Variants in INSC observed in about 807,000 individuals in gnomAD.
The protein encoded by INSC is protein inscuteable homolog.
A neutral mutation model predicts 58.6 loss-of-function variants in INSC; 67 were observed. That is an observed-to-expected ratio of 1.14 (90% CI 0.94 to 1.40). The LOEUF is 1.40. INSC is among the 40% of genes most tolerant of loss of function. The pLI is 0.00. For synonymous variants in INSC, 262 were observed against 276.1 expected (o/e 0.95, Z 0.51); for missense variants, 714 against 692.0 (o/e 1.03, Z -0.36).
intron 7 of INSC, among the ~76,000 whole-genome samples, chr11:15,206,387 G>A (rs1238394230): frequency 6.6e-6 from 1 of 151,696 alleles, no homozygotes; most frequent in Non-Finnish European, 1.5e-5. Context: ...GGACACCACA[G>A]CAGGGAGCCA....
At chr11:15,119,482 T>C (rs1185160154) in intron 1 of INSC, among the ~76,000 whole-genome samples, 4 of 152,160 alleles carry the variant, frequency 2.6e-5, no homozygotes, top group Admixed American at 2.0e-4. Context: ...GCTTTGAGGA[T>C]GTCTTGGGGC....
At chr11:15,211,650 G>C (rs2133908280) in intron 7 of INSC, among the ~76,000 whole-genome samples, 1 of 152,114 alleles carries the variant, frequency 6.6e-6, no homozygotes, top group Non-Finnish European at 1.5e-5. Context: ...TCTTCTAGGA[G>C]CTTTATTGTT....
intron 11 of INSC, 114 bp downstream of exon 11, chr11:15,239,188 C>A (rs2133976530): frequency 7.6e-7 from 1 of 1,322,410 alleles, no homozygotes; most frequent in Non-Finnish European, 1.0e-6. Flanking sequence ...CTGGCATAAG[C>A]CCTGTCTCTG....
intron 6 of INSC, among the ~76,000 whole-genome samples, chr11:15,199,946 C>A (rs1850514710): frequency 6.6e-6 from 1 of 152,118 alleles, no homozygotes; most frequent in African/African-American, 2.4e-5. Flanking sequence ...TCACTTTGCT[C>A]CCAGAGCTAA....
At chr11:15,189,425 T>A (rs61564536) in intron 5 of INSC, among the ~76,000 whole-genome samples, 3,234 of 151,842 alleles carry the variant, frequency 0.021, 113 homozygotes, top group African/African-American at 0.073. Flanking sequence ...GAGATGGGAG[T>A]CTTTCTATGT....
At chr11:15,116,532 G>A (rs111969156) in intron 1 of INSC, among the ~76,000 whole-genome samples, 4 of 152,170 alleles carry the variant, frequency 2.6e-5, no homozygotes, top group African/African-American at 4.8e-5. Flanking sequence ...ACTATACAGC[G>A]CTTGGAAGAG....
chr11:15,254,375 T>C, the INSC span, among the ~76,000 whole-genome samples: 1 of 152,126 alleles, frequency 6.6e-6, no homozygotes, highest in Non-Finnish European at 1.5e-5. Context: ...AAAACAAATA[T>C]AAGTAAGTGC....
chr11:15,221,789 C>A, intron 8 of INSC, 141 bp downstream of exon 8: 1 of 762,076 alleles, frequency 1.3e-6, no homozygotes. Context: ...TTGCTGAAAT[C>A]CCACAATTAA....
intron 1 of INSC, among the ~76,000 whole-genome samples, chr11:15,142,389 C>G (rs1848392394): frequency 6.6e-6 from 1 of 152,194 alleles, no homozygotes; most frequent in Non-Finnish European, 1.5e-5. Context: ...GATTCTGTGT[C>G]AAATGCTCTT....
chr11:15,113,874 C>T (rs1396875699), upstream of INSC, among the ~76,000 whole-genome samples: 1 of 152,128 alleles, frequency 6.6e-6, no homozygotes, highest in Non-Finnish European at 1.5e-5. Context: ...GCAGTGGGAC[C>T]TCGGCGTGGT....
Position 15,121,836 on chromosome 11 carries a change from T to C in INSC, c.-46+6833T>C, listed in dbSNP as rs565551385. On this transcript the variant is annotated intron_variant, in intron 1 of 12. Transcript: ENST00000379556. ...AATTATTATCTTTATTTTATCTCAA[T>C]GTTCACATTGTCCCAAACTTGATTA... 3.9e-4 allele frequency among the ~76,000 whole-genome samples: 60 copies of C among 152,350 alleles called. 1 individual carries two copies. In the South Asian group the frequency reaches 0.012, roughly 30 times the overall value.
intron 5 of INSC, among the ~76,000 whole-genome samples, chr11:15,181,460 T>A (rs968877502): frequency 2.0e-5 from 3 of 152,118 alleles, no homozygotes; most frequent in Admixed American, 2.0e-4. Context: ...CTCCTTCAAT[T>A]ATGGTTGGAA....
chr11:15,122,846 G>A (rs149990313), intron 1 of INSC, among the ~76,000 whole-genome samples: 8 of 152,238 alleles, frequency 5.3e-5, no homozygotes, highest in Admixed American at 1.3e-4. Flanking sequence ...CAGCCAGAGC[G>A]CATTTCAAAA....
upstream of INSC, among the ~76,000 whole-genome samples, chr11:15,114,017 T>G (rs1031774204): frequency 6.6e-6 from 1 of 151,678 alleles, no homozygotes; most frequent in Non-Finnish European, 1.5e-5. Context: ...AGTTCAAGCT[T>G]TGGAACAGGG....
At chr11:15,135,105 A>T (rs534061107) in intron 1 of INSC, among the ~76,000 whole-genome samples, 1 of 152,082 alleles carries the variant, frequency 6.6e-6, no homozygotes, top group Non-Finnish European at 1.5e-5. Flanking sequence ...TTACTTGGAG[A>T]TAGAAAAGAG....
At chr11:15,119,079 T>A (rs1847805088) in intron 1 of INSC, among the ~76,000 whole-genome samples, 1 of 152,116 alleles carries the variant, frequency 6.6e-6, no homozygotes, top group Non-Finnish European at 1.5e-5. Flanking sequence ...AACTCCCTCA[T>A]TTCAAAGGCT....
At chr11:15,229,998 TATATATATATATATAATATATATA>T (rs1851842074) in intron 9 of INSC, among the ~76,000 whole-genome samples, 1 of 25,190 alleles carries the variant, frequency 4.0e-5, no homozygotes, top group Non-Finnish European at 6.6e-5. Flanking sequence ...TATATATATA[TATATATATATATATAATATATATA>T]TATATATATA....
the INSC span, among the ~76,000 whole-genome samples, chr11:15,259,208 T>C: frequency 6.6e-6 from 1 of 152,130 alleles, no homozygotes; most frequent in Non-Finnish European, 1.5e-5. Flanking sequence ...ACAAGTTCCT[T>C]TGTTTGGGGC....
At chr11:15,175,622 T>G in intron 2 of INSC, 119 bp from the exon 3 acceptor site, 1 of 623,586 alleles carries the variant, frequency 1.6e-6, no homozygotes. Context: ...GGTGCATGAA[T>G]GGGAGAAACA....
Sources: gnomAD v4.1 joint callset for allele counts (sites outside exome capture counted in the v4.1 genomes callset) on GRCh38, gnomAD v4.1.1 for gene constraint, MANE v1.5 for transcripts, NCBI Gene and HGNC (gene_info 2026-07-23, HGNC 2026-07-21) for gene names.